PLB1: variants seen among roughly 807,000 people sequenced by gnomAD.
The protein encoded by PLB1 is phospholipase B1.
PLB1 carries 242 observed loss-of-function variants against 227.4 expected under a neutral mutation model. The ratio of observed to expected loss-of-function variants is 1.06; its 90% CI spans 0.96 to 1.18. The LOEUF is 1.18. Among genes scored for constraint, PLB1 ranks in the 50% most tolerant of loss-of-function variants. The probability of loss-of-function intolerance (pLI) is 0.00; values close to 1 mark genes in which losing one functional copy is unlikely to be tolerated. For synonymous variants in PLB1, 757 were observed against 682.2 expected (o/e 1.11, Z -1.71); for missense variants, 1,858 against 1,816.3 (o/e 1.02, Z -0.42).
At chr2:28,604,594 C>T (rs1041665679) in intron 40 of PLB1, 61 bp from the exon 41 acceptor site, 1 of 1,411,230 alleles carries the variant, frequency 7.1e-7, no homozygotes, top group Non-Finnish European at 9.9e-7. Context: ...CCTACTCTTG[C>T]CTCACTGGGT....
At chr2:28,611,962 A>AC (rs1222222787) in intron 43 of PLB1, among the ~76,000 whole-genome samples, 1 of 151,756 alleles carries the variant, frequency 6.6e-6, no homozygotes, top group South Asian at 2.1e-4. Context: ...AACATGGTGA[A>AC]CCCCCCGTCT....
chr2:28,520,394 CT>C (rs1001126973), intron 4 of PLB1, among the ~76,000 whole-genome samples: 17 of 152,004 alleles, frequency 1.1e-4, no homozygotes, highest in African/African-American at 3.6e-4. Context: ...ATTTTCTTAC[CT>C]GATTTGTAAA....
Position 28,618,553 on chromosome 2 carries a change from T to G in PLB1, c.3315+154T>G, listed in dbSNP as rs1573471928. 1.6e-5 allele frequency: 12 copies of G among 741,520 alleles called. No homozygotes were observed. The East Asian group carries it at 3.3e-4, about 20-fold the overall frequency. The allele number at this position is 741,520 out of a possible 1,614,324, so 45.9% of individuals were successfully genotyped here. On this transcript the variant is annotated intron_variant, in intron 46 of 57. Transcript: ENST00000327757. ...CAGGCACTGAAACACAGCCAGGAGA[T>G]GTAGAATGCCCTGTCTCGCCACCTT...
At chr2:28,564,593 A>C (rs1160775379) in intron 18 of PLB1, among the ~76,000 whole-genome samples, 2 of 152,116 alleles carry the variant, frequency 1.3e-5, no homozygotes, top group Non-Finnish European at 2.9e-5. Context: ...ACAGCTGCTC[A>C]GGGGTTCCTA....
In PLB1 at chr2:28,601,251, G is replaced by C. The variant is rs1358723967; in HGVS notation, c.2527-1G>C. On this transcript the variant is annotated splice_acceptor_variant, in intron 36 of 57. Transcript: ENST00000327757. LOFTEE classifies it high-confidence loss of function. The stretch of plus-strand genomic sequence containing the variant: ...TCAAGCATTTTCCTCCCTCCATATA[G>C]AGAGTAAATTTCCATGAAGACTGGA... The C allele has an allele frequency of 1.2e-6, 2 of 1,611,488 alleles. No homozygotes were observed. The highest frequency in any genetic ancestry group is 1.3e-5 in the African/African-American group (1 of 74,866).
intron 17 of PLB1, among the ~76,000 whole-genome samples, chr2:28,562,559 AGT>A (rs1676234659): frequency 4.9e-5 from 7 of 143,390 alleles, no homozygotes; most frequent in Admixed American, 7.2e-5. Flanking sequence ...AAAAAAAAAA[AGT>A]CAGTGGCATA....
intron 7 of PLB1, 67 bp from the exon 8 acceptor site, chr2:28,529,661 G>A: frequency 6.7e-7 from 1 of 1,498,852 alleles, no homozygotes. Flanking sequence ...ATGGCAAGGG[G>A]CAAGCTTCCA....
At chr2:28,550,155 C>G in intron 16 of PLB1, 71 bp downstream of exon 16, 3 of 1,199,980 alleles carry the variant, frequency 2.5e-6, no homozygotes, top group Non-Finnish European at 3.5e-6. Context: ...CTGAATCTTT[C>G]GAACCTTCCA....
intron 13 of PLB1, 147 bp downstream of exon 13, chr2:28,541,958 C>A (rs758380448): frequency 8.2e-5 from 53 of 646,264 alleles, no homozygotes; most frequent in Non-Finnish European, 1.2e-4. Context: ...CATGGTGAAA[C>A]CCTGTCTCTA....
chr2:28,538,511 G>A (rs1257730709), intron 10 of PLB1, 130 bp downstream of exon 10: 26 of 760,994 alleles, frequency 3.4e-5, no homozygotes, highest in Non-Finnish European at 5.5e-5. Flanking sequence ...AAACTTTAGA[G>A]CACCCCATCT....
intron 8 of PLB1, among the ~76,000 whole-genome samples, chr2:28,530,785 GGAAGT>G (rs1286016713): frequency 6.6e-6 from 1 of 152,264 alleles, no homozygotes; most frequent in Non-Finnish European, 1.5e-5. Context: ...AAAGCGTTCA[GGAAGT>G]GAAGTGAAGG....
intron 6 of PLB1, among the ~76,000 whole-genome samples, chr2:28,526,925 T>A (rs1032130507): frequency 6.6e-6 from 1 of 152,104 alleles, no homozygotes; most frequent in Non-Finnish European, 1.5e-5. Context: ...CCCTCCTGGA[T>A]CTGATTGACA....
intron 33 of PLB1, chr2:28,594,233 ACACAAT>A (rs1682519010): frequency 3.3e-6 from 1 of 299,488 alleles, no homozygotes; most frequent in Non-Finnish European, 6.9e-6. Context: ...CATAACCAAG[ACACAAT>A]CACAATCAGC....
chr2:28,566,694 G>C (rs1676969430), intron 19 of PLB1, 102 bp from the exon 20 acceptor site: 1 of 1,313,826 alleles, frequency 7.6e-7, no homozygotes, highest in Middle Eastern at 1.8e-4. Flanking sequence ...CCAGGCCCCC[G>C]GGCTGTTTCT....
intron 43 of PLB1, among the ~76,000 whole-genome samples, chr2:28,610,250 C>T (rs989960103): frequency 3.3e-5 from 5 of 152,010 alleles, no homozygotes; most frequent in African/African-American, 1.2e-4. Flanking sequence ...TGTCCTAATG[C>T]TCTCTGTCCC....
At position 28,538,309 on chromosome 2, in the gene PLB1, C is replaced by T. The variant is rs762989243; in HGVS notation, c.556-10C>T. On this transcript the variant is annotated splice_polypyrimidine_tract_variant and intron_variant, in intron 9 of 57. Transcript: ENST00000327757. The stretch of plus-strand genomic sequence containing the variant: ...AGGCACCCTCACTTAGCACGGTTCT[C>T]CTCTCACAGAATGGGCTTGCGGCGG... 10 of 1,613,996 alleles carry T rather than the reference C, an allele frequency of 6.2e-6. No homozygotes were observed. In the South Asian group the frequency reaches 6.6e-5, roughly 11 times the overall value.
At position 28,617,751 on chromosome 2, in the gene PLB1, A is replaced by G; in HGVS notation, c.3220A>G (p.Thr1074Ala). 6.2e-7 allele frequency: 1 copy of G among 1,614,176 alleles called. No individual in the cohort carries two copies. Residue 1074 changes from threonine (T) to alanine (A), a missense_variant, in exon 45 of 58, where the codon ACA becomes GCA. Physicochemically the swap from Thr to Ala is moderately conservative, Grantham distance 58. Coordinates refer to ENST00000327757, the MANE Select transcript of PLB1 (RefSeq NM_153021.5). ...GAACTGGGGCAGTGACTTCCTGTGT[A>G]CAGAGTGGAAGGCTTCCAATAGTGT... Reference protein sequence around the residue: ...IENWGSDFLCTEWKASNSVPT... With the variant: ...IENWGSDFLCAEWKASNSVPT...
At chr2:28,620,388 G>A in intron 47 of PLB1, 56 bp downstream of exon 47, 1 of 1,496,284 alleles carries the variant, frequency 6.7e-7, no homozygotes, top group East Asian at 2.3e-5. Context: ...AGAGGTGTGA[G>A]TAGTGTGTTT....
chr2:28,621,195 A>G (rs1432191152), intron 49 of PLB1, among the ~76,000 whole-genome samples: 2 of 152,088 alleles, frequency 1.3e-5, no homozygotes, highest in African/African-American at 4.8e-5. Flanking sequence ...TTATCCAGCA[A>G]GTTATCAGAG....
Sources: gnomAD v4.1 joint callset for allele counts (sites outside exome capture counted in the v4.1 genomes callset) on GRCh38, gnomAD v4.1.1 for gene constraint, MANE v1.5 for transcripts, NCBI Gene and HGNC (gene_info 2026-07-23, HGNC 2026-07-21) for gene names.